Variants in HDAC9 observed in about 807,000 individuals in gnomAD.
HDAC9 encodes the protein MEF-2 interacting transcription repressor (MITR) protein.
A neutral mutation model predicts 139.4 loss-of-function variants in HDAC9; 41 were observed. That is an observed-to-expected ratio of 0.29 (90% CI 0.23 to 0.38). The LOEUF (loss-of-function observed/expected upper bound fraction) is 0.38. HDAC9 is among the 10% of genes least tolerant of loss of function. The pLI, the probability that HDAC9 is intolerant of heterozygous loss-of-function variation, is 1.00. For synonymous variants in HDAC9, 517 were observed against 476.2 expected (o/e 1.09, Z -1.12); for missense variants, 1,147 against 1,297.0 (o/e 0.88, Z 1.78).
At chr7:18,213,057 G>A (rs922044583) in intron 2 of HDAC9, among the ~76,000 whole-genome samples, 4 of 152,156 alleles carry the variant, frequency 2.6e-5, no homozygotes, top group Non-Finnish European at 4.4e-5. Context: ...CATTTTGCCA[G>A]TCACAGTGTT....
chr7:18,142,900 G>A (rs1279552538), intron 1 of HDAC9, among the ~76,000 whole-genome samples: 1 of 152,192 alleles, frequency 6.6e-6, no homozygotes, highest in East Asian at 1.9e-4. Flanking sequence ...TGATGCTGAG[G>A]GAGCCTCCTT....
chr7:18,829,846 A>G (rs553795149), intron 19 of HDAC9, among the ~76,000 whole-genome samples: 29 of 152,316 alleles, frequency 1.9e-4, no homozygotes, highest in Admixed American at 1.3e-3. Flanking sequence ...CAGAACCTGA[A>G]TTTACTTTTC....
At chr7:18,337,743 T>C (rs930415411) in intron 1 of HDAC9, among the ~76,000 whole-genome samples, 12 of 151,780 alleles carry the variant, frequency 7.9e-5, no homozygotes, top group African/African-American at 2.9e-4. Flanking sequence ...GCTTAGGAAA[T>C]GATTGGGCAT....
chr7:18,920,282 G>T (rs1199881816), intron 22 of HDAC9, among the ~76,000 whole-genome samples: 1 of 152,106 alleles, frequency 6.6e-6, no homozygotes, highest in Non-Finnish European at 1.5e-5. Flanking sequence ...GTTCACTCAT[G>T]ATTTGGCTCT....
chr7:18,506,906 C>T (rs1799941549), intron 2 of HDAC9, among the ~76,000 whole-genome samples: 1 of 152,094 alleles, frequency 6.6e-6, no homozygotes, highest in South Asian at 2.1e-4. Context: ...CAGCAAGTCT[C>T]ATATACAGTA....
At chr7:18,684,858 T>C (rs965513284) in intron 12 of HDAC9, among the ~76,000 whole-genome samples, 1 of 152,154 alleles carries the variant, frequency 6.6e-6, no homozygotes, top group Non-Finnish European at 1.5e-5. Context: ...CCCCTCCACC[T>C]AAGTTATGTT....
intron 2 of HDAC9, among the ~76,000 whole-genome samples, chr7:18,240,407 G>A (rs999263841): frequency 2.0e-5 from 3 of 152,290 alleles, no homozygotes; most frequent in East Asian, 1.9e-4. Context: ...TTTTTTAAAA[G>A]ATTGCAGTTA....
At chr7:18,921,671 A>C (rs368673806) in intron 22 of HDAC9, among the ~76,000 whole-genome samples, 4 of 152,208 alleles carry the variant, frequency 2.6e-5, no homozygotes, top group African/African-American at 7.2e-5. Flanking sequence ...TCAGTGTGGC[A>C]ATTCCTTAGG....
chr7:18,891,940 AAAAAAT>A (rs1395820277), intron 22 of HDAC9, among the ~76,000 whole-genome samples: 11 of 152,162 alleles, frequency 7.2e-5, no homozygotes, highest in Admixed American at 3.9e-4. Flanking sequence ...CCATGTAGGT[AAAAAAT>A]AAAAATAAAA....
intron 12 of HDAC9, among the ~76,000 whole-genome samples, chr7:18,698,821 A>G (rs1255385632): frequency 6.6e-6 from 1 of 152,150 alleles, no homozygotes; most frequent in Non-Finnish European, 1.5e-5. Context: ...TACAATATTA[A>G]TTATTCTTGT....
chr7:18,175,546 C>T (rs933999354), intron 2 of HDAC9, among the ~76,000 whole-genome samples: 10 of 152,118 alleles, frequency 6.6e-5, no homozygotes, highest in African/African-American at 2.2e-4. Flanking sequence ...GTGTTGATCA[C>T]GATGGGAGCT....
At chr7:18,300,078 A>T (rs1247885497) in intron 1 of HDAC9, among the ~76,000 whole-genome samples, 1 of 152,146 alleles carries the variant, frequency 6.6e-6, no homozygotes, top group African/African-American at 2.4e-5. Context: ...CTCTCTCTAG[A>T]TCAAGCTTGT....
intron 1 of HDAC9, among the ~76,000 whole-genome samples, chr7:18,136,616 A>T (rs1266638514): frequency 2.6e-5 from 4 of 152,120 alleles, no homozygotes; most frequent in Non-Finnish European, 5.9e-5. Context: ...ATAGCTGTAG[A>T]TATGCGGTGT....
At chr7:18,616,200 G>A (rs1838548620) in intron 6 of HDAC9, among the ~76,000 whole-genome samples, 1 of 152,148 alleles carries the variant, frequency 6.6e-6, no homozygotes, top group East Asian at 1.9e-4. Context: ...AAATCCATTT[G>A]TAAGTTTACC....
chr7:18,285,156 G>T (rs929688980), intron 2 of HDAC9, among the ~76,000 whole-genome samples: 3 of 152,054 alleles, frequency 2.0e-5, no homozygotes, highest in Non-Finnish European at 2.9e-5. Flanking sequence ...AAAATTTGGG[G>T]GAAATTGTGA....
rs747817516 is a variant in HDAC9, at chr7:18,665,781, G to A, written c.1468-432G>A. ...GCATTTGTGTTCTGGCTTTCATAGC[G>A]TTTAACATTCGTTGAAAAATGATAT... On this transcript the variant is annotated intron_variant, in intron 11 of 25. Transcript: ENST00000686413. 5.3e-5 allele frequency among the ~76,000 whole-genome samples: 8 copies of A among 152,008 alleles called. No individual in the cohort carries two copies. In the South Asian group the frequency reaches 6.2e-4, roughly 12 times the overall value.
chr7:18,318,229 A>G (rs1030136724), intron 1 of HDAC9, among the ~76,000 whole-genome samples: 8 of 152,238 alleles, frequency 5.3e-5, no homozygotes, highest in Non-Finnish European at 1.2e-4. Flanking sequence ...GAGAATTACA[A>G]TAGGACTGTA....
intron 16 of HDAC9, among the ~76,000 whole-genome samples, chr7:18,777,752 T>C (rs1437749719): frequency 6.6e-6 from 1 of 151,920 alleles, no homozygotes; most frequent in African/African-American, 2.4e-5. Context: ...GGATTGACCT[T>C]AATGATGGGA....
intron 23 of HDAC9, among the ~76,000 whole-genome samples, chr7:18,938,753 G>T (rs1362091053): frequency 6.6e-6 from 1 of 152,154 alleles, no homozygotes; most frequent in Non-Finnish European, 1.5e-5. Flanking sequence ...TCACCAACTG[G>T]TCAGAGTTTG....
Sources: gnomAD v4.1 joint callset for allele counts (sites outside exome capture counted in the v4.1 genomes callset) on GRCh38, gnomAD v4.1.1 for gene constraint, MANE v1.5 for transcripts, NCBI Gene and HGNC (gene_info 2026-07-23, HGNC 2026-07-21) for gene names.